Variants in SLC25A21 observed in about 807,000 individuals in gnomAD.
SLC25A21 encodes the protein solute carrier family 25 member 21.
A neutral mutation model predicts 43.8 loss-of-function variants in SLC25A21; 47 were observed. The ratio of observed to expected loss-of-function variants is 1.07; its 90% CI spans 0.85 to 1.37. The LOEUF (loss-of-function observed/expected upper bound fraction) is 1.37. Among genes scored for constraint, SLC25A21 ranks in the 40% most tolerant of loss-of-function variants. The probability of loss-of-function intolerance (pLI) is 0.00; values close to 1 mark genes in which losing one functional copy is unlikely to be tolerated. For missense variants in SLC25A21, 352 were observed against 350.2 expected (o/e 1.00, Z -0.04); for synonymous variants, 131 against 121.3 (o/e 1.08, Z -0.52).
At chr14:36,804,545 G>GT (rs1887973134) in intron 3 of SLC25A21, among the ~76,000 whole-genome samples, 1 of 152,108 alleles carries the variant, frequency 6.6e-6, no homozygotes, top group African/African-American at 2.4e-5. Context: ...ACATGGACAC[G>GT]TTTCACAAAC....
chr14:36,978,291 G>A (rs1418593703), intron 1 of SLC25A21, among the ~76,000 whole-genome samples: 1 of 152,120 alleles, frequency 6.6e-6, no homozygotes, highest in African/African-American at 2.4e-5. Context: ...ACAATAAGGT[G>A]AGTCACACAA....
At chr14:37,112,200 A>G (rs922733876) in intron 1 of SLC25A21, among the ~76,000 whole-genome samples, 1 of 152,140 alleles carries the variant, frequency 6.6e-6, no homozygotes, top group African/African-American at 2.4e-5. Context: ...ATTCCATAGA[A>G]TAAAACATTT....
chr14:36,692,903 C>T (rs1882851772), intron 7 of SLC25A21, among the ~76,000 whole-genome samples: 1 of 152,350 alleles, frequency 6.6e-6, no homozygotes, highest in Admixed American at 6.5e-5. Flanking sequence ...CCTCCTGGTA[C>T]TGCACCAAAT....
chr14:36,948,403 C>A (rs1174618467), intron 1 of SLC25A21, among the ~76,000 whole-genome samples: 1 of 152,118 alleles, frequency 6.6e-6, no homozygotes, highest in Admixed American at 6.6e-5. Context: ...AAATCTGTCA[C>A]AGATAGTTTG....
chr14:37,093,214 G>A (rs566326397), intron 1 of SLC25A21, among the ~76,000 whole-genome samples: 2 of 152,146 alleles, frequency 1.3e-5, no homozygotes, highest in Non-Finnish European at 2.9e-5. Context: ...GTGTTTCAAG[G>A]ATAAAATGTT....
intron 1 of SLC25A21, among the ~76,000 whole-genome samples, chr14:36,960,877 A>G (rs114264845): frequency 7.7e-4 from 117 of 152,322 alleles, no homozygotes; most frequent in African/African-American, 2.7e-3. Flanking sequence ...CATTATATGG[A>G]ACTTCTGCTT....
intron 7 of SLC25A21, 71 bp from the exon 8 acceptor site, chr14:36,684,996 C>T: frequency 3.2e-6 from 4 of 1,264,824 alleles, no homozygotes; most frequent in Non-Finnish European, 4.4e-6. Context: ...CACTATAAAG[C>T]AATATGTATT....
rs539109522 is a variant in SLC25A21 at position 36,894,107 on chromosome 14, T to C, written c.71-19103A>G. 1.4e-3 allele frequency among the ~76,000 whole-genome samples: 212 copies of C among 152,338 alleles called. 2 individuals are homozygous for C. Among genetic ancestry groups the C allele is most frequent in the Non-Finnish European group, 6.0e-4 (41 of 68,032 alleles). On this transcript the variant is annotated intron_variant, in intron 1 of 9. Transcript: ENST00000331299. ...CATTGGTAGCTTGATGGGGATGGCA[T>C]TGAATCTATAAATTACCTTGGCAGT...
intron 1 of SLC25A21, among the ~76,000 whole-genome samples, chr14:37,101,106 T>C (rs1486584716): frequency 6.6e-6 from 1 of 152,230 alleles, no homozygotes; most frequent in Non-Finnish European, 1.5e-5. Flanking sequence ...AAAAATAATG[T>C]GTTAATCCAA....
chr14:36,916,380 T>C (rs1490654103), intron 1 of SLC25A21, among the ~76,000 whole-genome samples: 7 of 152,190 alleles, frequency 4.6e-5, no homozygotes, highest in East Asian at 1.9e-4. Context: ...AGAATAAATA[T>C]ATTCTATTCC....
At chr14:36,973,735 T>C (rs942791407) in intron 1 of SLC25A21, among the ~76,000 whole-genome samples, 3 of 152,170 alleles carry the variant, frequency 2.0e-5, no homozygotes, top group Non-Finnish European at 2.9e-5. Flanking sequence ...TCCAGTTAGG[T>C]TGTAAAATGA....
Position 37,140,911 on chromosome 14 carries a change from C to G in SLC25A21, c.70+31370G>C, listed in dbSNP as rs925396635. ...CCTGTAATCCCAGCACTTTGGGAGG[C>G]TGAGGCGGGTAGATCACTTGAGGTC... On this transcript the variant is annotated intron_variant, in intron 1 of 9. Transcript: ENST00000331299. Among the ~76,000 whole-genome samples, 10 of 152,178 alleles carry G rather than the reference C, an allele frequency of 6.6e-5. No individual in the cohort carries two copies. The East Asian group carries it at 1.4e-3, about 21-fold the overall frequency.
intron 1 of SLC25A21, among the ~76,000 whole-genome samples, chr14:37,089,350 T>C (rs1035198700): frequency 1.3e-5 from 2 of 152,218 alleles, no homozygotes; most frequent in African/African-American, 4.8e-5. Flanking sequence ...GGGGAAGTGC[T>C]GGAGCAACTC....
At chr14:37,132,179 G>A (rs1396048446) in intron 1 of SLC25A21, among the ~76,000 whole-genome samples, 2 of 152,144 alleles carry the variant, frequency 1.3e-5, no homozygotes, top group African/African-American at 2.4e-5. Context: ...CCACTCTCAC[G>A]CAAATGCCAT....
At chr14:36,891,636 C>T (rs1350438667) in intron 1 of SLC25A21, among the ~76,000 whole-genome samples, 2 of 152,092 alleles carry the variant, frequency 1.3e-5, no homozygotes, top group East Asian at 3.9e-4. Flanking sequence ...AATCTATTCC[C>T]TCTTTTTTTT....
intron 1 of SLC25A21, among the ~76,000 whole-genome samples, chr14:37,108,201 T>C (rs899472226): frequency 6.6e-6 from 1 of 152,208 alleles, no homozygotes; most frequent in African/African-American, 2.4e-5. Context: ...ACATGTCAGA[T>C]AGCTGTAAAG....
intron 1 of SLC25A21, among the ~76,000 whole-genome samples, chr14:36,900,613 GT>G (rs1196799249): frequency 2.0e-5 from 3 of 152,126 alleles, no homozygotes. Flanking sequence ...CTAATTTATA[GT>G]TTGGTTATTC....
chr14:36,742,366 T>C (rs929666494), intron 3 of SLC25A21, among the ~76,000 whole-genome samples: 2 of 152,202 alleles, frequency 1.3e-5, no homozygotes, highest in African/African-American at 2.4e-5. Flanking sequence ...CATTGTTTGA[T>C]GGATCGTGTA....
intron 1 of SLC25A21, among the ~76,000 whole-genome samples, chr14:37,092,103 G>A (rs768237461): frequency 6.6e-6 from 1 of 152,092 alleles, no homozygotes; most frequent in Non-Finnish European, 1.5e-5. Flanking sequence ...CTCCAGCCTG[G>A]GTGACAGAAC....
Sources: allele counts gnomAD v4.1 joint callset (sites outside exome capture counted in the v4.1 genomes callset), GRCh38; gene constraint gnomAD v4.1.1; transcripts MANE v1.5; gene names NCBI Gene and HGNC (gene_info 2026-07-23, HGNC 2026-07-21).